The following FNDC1 variants were observed in gnomAD, a reference collection of about 807,000 sequenced individuals.
FNDC1 encodes the protein fibronectin type III domain containing 1, also known as fibronectin type III domain-containing protein 1.
In FNDC1, 96 loss-of-function variants were observed where a neutral mutation model predicts 168.0. The observed-to-expected ratio is 0.57, with a 90% CI of 0.48 to 0.68. The LOEUF (loss-of-function observed/expected upper bound fraction) is 0.68, where lower values mean the gene tolerates loss of function less well. Ranked by LOEUF, FNDC1 falls within the 30% of genes least tolerant of loss-of-function variation. FNDC1 has a pLI of 0.00. For synonymous variants in FNDC1, 1,099 were observed against 1,025.9 expected, an observed-to-expected ratio of 1.07 and a Z score of -1.36; for missense variants, 2,587 against 2,482.1, an observed-to-expected ratio of 1.04 and a Z score of -0.90.
Position 159,239,522 on chromosome 6 carries a change from G to C in FNDC1, c.4186G>C (p.Glu1396Gln). The C allele has an allele frequency of 6.3e-7, 1 of 1,586,804 alleles. No homozygotes were observed. Among genetic ancestry groups the C allele is most frequent in the Admixed American group, 1.8e-5 (1 of 56,438 alleles). Residue 1396 changes from glutamate to glutamine, a missense_variant, in exon 14 of 23, where the codon GAA (glutamate) becomes CAA (glutamine). By Grantham distance (29) the Glu-to-Gln change is conservative. Coordinates refer to ENST00000297267, the MANE Select transcript of FNDC1 (RefSeq NM_032532.3). ...ATTGGTTGATTTTGTTTCAGATCTG[G>C]AAGGGACCCCCGTGGTGAGTCCTGA... is the stretch of plus-strand genomic sequence containing the variant. The part of the protein sequence containing the change: ...GGDGRTIVDL[E>Q]GTPVVSPDGL...
intron 5 of FNDC1, among the ~76,000 whole-genome samples, chr6:159,216,883 A>G (rs970092432): frequency 1.3e-5 from 2 of 152,200 alleles, no homozygotes; most frequent in African/African-American, 2.4e-5. Flanking sequence ...GGCCTTCTAG[A>G]AGACTCCAGT....
At chr6:159,249,018 A>G in intron 15 of FNDC1, 21 bp from the exon 16 acceptor site, 1 of 1,582,128 alleles carries the variant, frequency 6.3e-7, no homozygotes, top group Non-Finnish European at 8.6e-7. Context: ...GCCCAATTAC[A>G]GAGCCTTCAT....
At chr6:159,179,625 C>T (rs923525130) in intron 1 of FNDC1, among the ~76,000 whole-genome samples, 1 of 152,162 alleles carries the variant, frequency 6.6e-6, no homozygotes, top group African/African-American at 2.4e-5. Flanking sequence ...TGCTCCACGC[C>T]CTCATCAACA....
At chr6:159,180,776 T>C (rs911846590) in intron 1 of FNDC1, among the ~76,000 whole-genome samples, 14 of 152,180 alleles carry the variant, frequency 9.2e-5, no homozygotes, top group African/African-American at 3.1e-4. Flanking sequence ...GATAATGGCT[T>C]CCAGCATTAT....
intron 1 of FNDC1, among the ~76,000 whole-genome samples, chr6:159,192,653 T>A (rs1782165113): frequency 6.6e-6 from 1 of 152,172 alleles, no homozygotes; most frequent in Non-Finnish European, 1.5e-5. Flanking sequence ...TTGAAACTCA[T>A]ATTGGACCAT....
rs1206979011 is a variant in FNDC1, at chr6:159,236,335, A to C, written c.4068+20A>C. The C allele has an allele frequency of 6.6e-7, 1 of 1,526,310 alleles. No individual in the cohort carries two copies. The highest frequency in any genetic ancestry group is 1.4e-5 in the African/African-American group (1 of 73,354). 94.5% of individuals were successfully genotyped at this position (1,526,310 alleles called of 1,614,324 possible). Reference sequence around the variant, plus strand: ...AAGTGGGTAGGGTAAACTTCTTTACACATCCCCGTTGTTTTCATGCTGTTG... The same window carrying C: ...AAGTGGGTAGGGTAAACTTCTTTACCCATCCCCGTTGTTTTCATGCTGTTG... On this transcript the variant is annotated intron_variant, in intron 12 of 22. Transcript: ENST00000297267.
At chr6:159,200,473 T>A in intron 3 of FNDC1, 40 bp from the exon 4 acceptor site, 1 of 1,490,446 alleles carries the variant, frequency 6.7e-7, no homozygotes, top group Middle Eastern at 1.7e-4. Context: ...AACCCAACAG[T>A]CCTCGTTTCT....
chr6:159,190,138 G>T (rs2114936155), intron 1 of FNDC1, among the ~76,000 whole-genome samples: 1 of 152,310 alleles, frequency 6.6e-6, no homozygotes, highest in East Asian at 1.9e-4. Flanking sequence ...GTGGCGCGAG[G>T]TGGTCCTCAT....
intron 9 of FNDC1, among the ~76,000 whole-genome samples, chr6:159,228,068 A>G (rs1158966356): frequency 6.6e-6 from 1 of 152,248 alleles, no homozygotes; most frequent in Non-Finnish European, 1.5e-5. Context: ...TGTTAGTTAA[A>G]AAATGAAAAG....
intron 1 of FNDC1, among the ~76,000 whole-genome samples, chr6:159,186,513 G>C (rs1782002873): frequency 6.6e-6 from 1 of 152,244 alleles, no homozygotes; most frequent in African/African-American, 2.4e-5. Flanking sequence ...GAGCTGCCCA[G>C]GTACCTTGGA....
At position 159,232,348 on chromosome 6, in the gene FNDC1, G is replaced by GC; in HGVS notation, c.1842dup (p.Ser615LeufsTer27). On this transcript the variant is annotated frameshift_variant, in exon 11 of 23. Transcript: ENST00000297267. LOFTEE classifies it high-confidence loss of function. The surrounding 1 kb of genome is among the most constrained non-coding windows in gnomAD (Gnocchi z 4.9). Reference sequence around the variant, plus strand: ...TGGCCACGCAGCCCCGCCCAGGGGCGCCCCCCTCGGCTTCGGCCTCTCCTG... The same window carrying GC: ...TGGCCACGCAGCCCCGCCCAGGGGCGCCCCCCCTCGGCTTCGGCCTCTCCTG... 2 of 1,613,430 alleles carry GC rather than the reference G, an allele frequency of 1.2e-6. No individual in the cohort carries two copies. The highest frequency in any genetic ancestry group is 1.7e-6 in the Non-Finnish European group (2 of 1,179,700).
chr6:159,267,990 G>A lies in FNDC1; in HGVS notation c.5569+64G>A, dbSNP rs117701160. 7.6e-3 allele frequency: 11,610 copies of A among 1,537,704 alleles called. 61 individuals carry two copies. Among genetic ancestry groups the A allele is most frequent in the Non-Finnish European group, 8.3e-3 (9,401 of 1,130,504 alleles). On this transcript the variant is annotated intron_variant, in intron 22 of 22. Coordinates refer to ENST00000297267, the MANE Select transcript of FNDC1 (RefSeq NM_032532.3). ...TGGGAGACAAGGATTAATAGAGGGG[G>A]AAAATCCACAGTAGGTCTGCCTTTG...
At chr6:159,173,344 C>T (rs1781700354) in intron 1 of FNDC1, among the ~76,000 whole-genome samples, 1 of 152,242 alleles carries the variant, frequency 6.6e-6, no homozygotes, top group South Asian at 2.1e-4. Context: ...AGAAGCTCGC[C>T]TGTGGCTCAA....
chr6:159,221,558 A>G (rs377694721), intron 5 of FNDC1, 40 bp from the exon 6 acceptor site: 20 of 1,513,162 alleles, frequency 1.3e-5, no homozygotes, highest in Non-Finnish European at 1.7e-5. Context: ...TTCCTGAGAA[A>G]TGGAAGTCAG....
intron 4 of FNDC1, among the ~76,000 whole-genome samples, chr6:159,205,481 A>G (rs1782468103): frequency 6.6e-6 from 1 of 152,178 alleles, no homozygotes; most frequent in South Asian, 2.1e-4. Context: ...TTAATCCACC[A>G]AACCATAATC....
intron 1 of FNDC1, among the ~76,000 whole-genome samples, chr6:159,177,790 T>C (rs1781795522): frequency 6.6e-6 from 1 of 152,138 alleles, no homozygotes. Flanking sequence ...ACAGAGTAGC[T>C]GGTGTGGCTG....
intron 1 of FNDC1, among the ~76,000 whole-genome samples, chr6:159,183,996 A>G (rs1438368698): frequency 6.6e-6 from 1 of 152,250 alleles, no homozygotes; most frequent in Non-Finnish European, 1.5e-5. Context: ...GAGAGGGAAC[A>G]AAGTATAGTA....
chr6:159,176,778 C>A (rs893326210), intron 1 of FNDC1, among the ~76,000 whole-genome samples: 2 of 152,146 alleles, frequency 1.3e-5, no homozygotes, highest in Non-Finnish European at 2.9e-5. Context: ...AGCAGCCAAT[C>A]CCAGTACTGC....
rs377571503 is a variant in FNDC1, at chr6:159,239,822, C to A, written c.4486C>A (p.Arg1496=). 4 of 1,546,334 alleles carry A rather than the reference C, an allele frequency of 2.6e-6. No homozygotes were observed. Among genetic ancestry groups the A allele is most frequent in the South Asian group, 1.2e-5 (1 of 83,790 alleles). ...RPTTTVRTTT[R]TTTTTTPTPT... ...AACAACCACAGTCCGAACCACTACG[C>A]GGACAACCACCACCACCACCCCCAC... The change falls in exon 14 of 23, where the codon CGG becomes AGG. Residue 1496 remains arginine (R), a synonymous_variant. Coordinates refer to ENST00000297267, the MANE Select transcript of FNDC1 (RefSeq NM_032532.3).
Sources: allele counts gnomAD v4.1 joint callset (sites outside exome capture counted in the v4.1 genomes callset), GRCh38; gene constraint gnomAD v4.1.1; non-coding constraint Gnocchi (gnomAD v3.1); transcripts MANE v1.5; gene names NCBI Gene and HGNC (gene_info 2026-07-23, HGNC 2026-07-21).